Variants in ABCF2 observed in about 807,000 individuals in gnomAD.
The protein encoded by ABCF2 is ATP-binding cassette sub-family F member 2.
Under a neutral mutation model 76.9 loss-of-function variants are expected in ABCF2, and 37 were observed. That is an observed-to-expected ratio of 0.48 (90% CI 0.37 to 0.63). The LOEUF is 0.63. Ranked by LOEUF, ABCF2 falls within the 30% of genes least tolerant of loss-of-function variation. The probability of loss-of-function intolerance (pLI) is 0.00; values close to 1 mark genes in which losing one functional copy is unlikely to be tolerated. For synonymous variants in ABCF2, 299 were observed against 283.7 expected, an observed-to-expected ratio of 1.05 and a Z score of -0.54; for missense variants, 524 against 782.1, an observed-to-expected ratio of 0.67 and a Z score of 3.94.
Position 151,223,957 on chromosome 7 carries a change from C to G in ABCF2, c.525G>C (p.Glu175Asp), listed in dbSNP as rs577998423. Residue 175 changes from glutamate (E) to aspartate (D), a missense_variant, in exon 4 of 15, where the codon GAG becomes GAC. Physicochemically the swap from Glu to Asp is conservative, Grantham distance 45. This residue lies in a region of ABCF2 where 330 missense variants were observed against 433.6 expected (regional missense o/e 0.76). Coordinates refer to ENST00000287844, the MANE Select transcript of ABCF2 (RefSeq NM_007189.3). The part of the protein sequence containing the change: ...VDTERAMLEK[E>D]AERLAHEDAE... ...CATCCTCATGAGCCAGCCGCTCTGC[C>G]TCTTTCTCCAGCATGGCCCGCTCTG... is the stretch of plus-strand genomic sequence containing the variant. 1 of 1,613,636 alleles carries G rather than the reference C, an allele frequency of 6.2e-7. No homozygotes were observed. The highest frequency in any genetic ancestry group is 8.5e-7 in the Non-Finnish European group (1 of 1,179,658).
At chr7:151,217,528 C>T (rs1042840366) in intron 11 of ABCF2, among the ~76,000 whole-genome samples, 1 of 152,132 alleles carries the variant, frequency 6.6e-6, no homozygotes, top group African/African-American at 2.4e-5. Context: ...GGGCCAGACG[C>T]GGTGGCTCAC....
Position 151,211,886 on chromosome 7 carries a change from G to A in ABCF2, c.*2168C>T, listed in dbSNP as rs953431758. 18 of 985,406 alleles carry A rather than the reference G, an allele frequency of 1.8e-5. 1 individual carries two copies. Among genetic ancestry groups the A allele is most frequent in the Middle Eastern group, 5.2e-4 (1 of 1,914 alleles). The allele number at this position is 985,406 out of a possible 1,614,324, so 61.0% of individuals were successfully genotyped here. On this transcript the variant is annotated 3_prime_UTR_variant, in exon 15 of 15. Transcript: ENST00000287844. ...TCTCAGCTGCAGTGTCTCACGGGAG[G>A]CTCCTGTCCCTGTTGCCCAGGGCAG...
chr7:151,219,350 C>A (rs993822757), intron 7 of ABCF2, among the ~76,000 whole-genome samples, 191 bp from the exon 8 acceptor site: 1 of 152,186 alleles, frequency 6.6e-6, no homozygotes, highest in Non-Finnish European at 1.5e-5. Flanking sequence ...CAATTCTATG[C>A]CCCTCGCTCA....
chr7:151,221,285 C>T (rs13239059), intron 7 of ABCF2, among the ~76,000 whole-genome samples: 15,766 of 151,624 alleles, frequency 0.1, 889 homozygotes, highest in African/African-American at 0.14. Flanking sequence ...CTGCAACCTC[C>T]GCCTCCAGGG....
Position 151,216,005 on chromosome 7 carries a change from G to C in ABCF2, c.1363C>G (p.Arg455Gly). The C allele has an allele frequency of 6.2e-7, 1 of 1,614,094 alleles. No individual in the cohort carries two copies. The highest frequency in any genetic ancestry group is 8.5e-7 in the Non-Finnish European group (1 of 1,180,008). Reference sequence around the variant, plus strand: ...CCTATCTTGACATGAGAGTGTTTTCGGATCATGCCATCTGTGGGTAGTAGC... The same window carrying C: ...CCTATCTTGACATGAGAGTGTTTTCCGATCATGCCATCTGTGGGTAGTAGC... Reference protein sequence around the residue: ...GELLPTDGMIRKHSHVKIGRY... With the variant: ...GELLPTDGMIGKHSHVKIGRY... Residue 455 changes from arginine to glycine, a missense_variant, in exon 12 of 15, where the codon CGA (arginine) becomes GGA (glycine). This residue lies in a region of ABCF2 where 194 missense variants were observed against 348.6 expected (regional missense o/e 0.56). Transcript: ENST00000287844.
rs758294368 is a variant in ABCF2, at chr7:151,214,953, C to A, written c.1660G>T (p.Ala554Ser). The change falls in exon 14 of 15, where the codon GCC (alanine) becomes TCC (serine). Residue 554 changes from alanine (A) to serine (S), a missense_variant. Transcript: ENST00000287844. This position sits in a 1 kb window ranked among gnomAD's most constrained non-coding sequence, Gnocchi z 4.9. ...AACTCATTGATGGCATCTGCCAGGG[C>A]GTCGATGGTCTCGATATCCAGGTGA... ...TNHLDIETID[A>S]LADAINEFEG... 2 of 1,614,182 alleles carry A rather than the reference C, an allele frequency of 1.2e-6. No individual in the cohort carries two copies. Among genetic ancestry groups the A allele is most frequent in the East Asian group, 4.5e-5 (2 of 44,888 alleles).
chr7:151,220,158 G>A (rs1380361672), intron 7 of ABCF2, among the ~76,000 whole-genome samples: 1 of 151,680 alleles, frequency 6.6e-6, no homozygotes, highest in African/African-American at 2.4e-5. Context: ...TTGGGAGGCC[G>A]AGGCAGGCGG....
intron 9 of ABCF2, 30 bp from the exon 10 acceptor site, chr7:151,218,680 T>G: frequency 1.2e-6 from 2 of 1,613,596 alleles, no homozygotes; most frequent in Non-Finnish European, 8.5e-7. Context: ...TTTATCAAGT[T>G]GGCTCCTTTC....
chr7:151,221,143 G>C (rs1264553616), intron 7 of ABCF2, among the ~76,000 whole-genome samples: 1 of 152,060 alleles, frequency 6.6e-6, no homozygotes, highest in Admixed American at 6.5e-5. Flanking sequence ...CAGGTGGTAG[G>C]ACTCCTTGTC....
Position 151,222,559 on chromosome 7 carries a change from G to A in ABCF2, c.780C>T (p.Asp260=). 1 of 1,613,786 alleles carries A rather than the reference G, an allele frequency of 6.2e-7. No individual in the cohort carries two copies. Among genetic ancestry groups the A allele is most frequent in the Non-Finnish European group, 8.5e-7 (1 of 1,179,832 alleles). The change falls in exon 6 of 15, where the codon GAC becomes GAT. Residue 260 remains aspartate (D), a synonymous_variant. Coordinates refer to ENST00000287844, the MANE Select transcript of ABCF2 (RefSeq NM_007189.3). The part of the protein sequence containing the change: ...LLLDEPTNHL[D]LDACVWLEEE... ...CTTCCAACCACACGCAAGCATCTAG[G>A]TCCAGGTGGTTGGTAGGCTCATCCA...
At chr7:151,221,862 C>A (rs1347502966) in intron 6 of ABCF2, 182 bp from the exon 7 acceptor site, 1 of 540,686 alleles carries the variant, frequency 1.8e-6, no homozygotes, top group South Asian at 2.1e-5. Flanking sequence ...TATTTGGACG[C>A]CTTTCAGTGT....
rs780831438 is a variant in ABCF2 at position 151,218,093 on chromosome 7, C to T, written c.1326G>A (p.Leu442=). The change falls in exon 11 of 15, where the codon CTG becomes CTA. Residue 442 remains leucine, a synonymous_variant. Transcript: ENST00000287844. ...CTTGGCACCATACCTCTCCAGTTAG[C>T]AGCTTCAGAAGAGTTGACTTCCCTG... ...NGAGKSTLLK[L]LTGELLPTDG... The T allele has an allele frequency of 6.2e-7, 1 of 1,613,286 alleles. No homozygotes were observed. The highest frequency in any genetic ancestry group is 8.5e-7 in the Non-Finnish European group (1 of 1,179,250).
chr7:151,219,693 A>T (rs1224953634), intron 7 of ABCF2, among the ~76,000 whole-genome samples: 2 of 152,232 alleles, frequency 1.3e-5, no homozygotes, highest in African/African-American at 4.8e-5. Context: ...TAAACACATA[A>T]CGAAATACTA....
chr7:151,215,788 C>G lies in ABCF2; in HGVS notation c.1402-56G>C, dbSNP rs1218895187. On this transcript the variant is annotated intron_variant, in intron 12 of 14. Transcript: ENST00000287844. The surrounding 1 kb of genome is among the most constrained non-coding windows in gnomAD (Gnocchi z 4.6). ...GACTGGCATCCCGCTTCAAAATAAA[C>G]CCTACTAGGTAACTTCCTATTTCTA... The G allele has an allele frequency of 3.1e-6, 5 of 1,612,760 alleles. No homozygotes were observed. Among genetic ancestry groups the G allele is most frequent in the African/African-American group, 1.3e-5 (1 of 74,848 alleles).
chr7:151,218,701 C>T, intron 9 of ABCF2, 51 bp from the exon 10 acceptor site: 2 of 1,613,436 alleles, frequency 1.2e-6, no homozygotes, highest in Non-Finnish European at 1.7e-6. Flanking sequence ...TTATCCACCT[C>T]ACCTTAGGCC....
At position 151,222,516 on chromosome 7, in the gene ABCF2, C is replaced by T. The variant is rs1360149975; in HGVS notation, c.818+5G>A. 6.2e-7 allele frequency: 1 copy of T among 1,612,894 alleles called. No individual in the cohort carries two copies. Among genetic ancestry groups the T allele is most frequent in the Non-Finnish European group, 8.5e-7 (1 of 1,179,120 alleles). ...CCGCTCACATCCCCCATTCCACCCT[C>T]TTACGTTTTTAGTTCTTCTTCCAAC... On this transcript the variant is annotated splice_donor_5th_base_variant and intron_variant, in intron 6 of 14. Coordinates refer to ENST00000287844, the MANE Select transcript of ABCF2 (RefSeq NM_007189.3).
In ABCF2 at chr7:151,223,723, A is replaced by C; in HGVS notation, c.677T>G (p.Leu226Arg). Residue 226 changes from leucine to arginine, a missense_variant, in exon 5 of 15, where the codon CTA (leucine) becomes CGA (arginine). Transcript: ENST00000287844. ...GFTPAMQRKKLKDFSGGWRMR... is the reference protein window; with the variant it reads ...GFTPAMQRKKRKDFSGGWRMR... Reference sequence around the variant, plus strand: ...CCTCCAGCCCCCACTGAAGTCTTTTAGCTTCTTGCGCTGCATGGCAGGTGT... The same window carrying C: ...CCTCCAGCCCCCACTGAAGTCTTTTCGCTTCTTGCGCTGCATGGCAGGTGT... 1 of 1,611,384 alleles carries C rather than the reference A, an allele frequency of 6.2e-7. No homozygotes were observed. The highest frequency in any genetic ancestry group is 8.5e-7 in the Non-Finnish European group (1 of 1,178,046).
chr7:151,211,795 C>T lies in ABCF2; in HGVS notation c.*2259G>A. On this transcript the variant is annotated 3_prime_UTR_variant, in exon 15 of 15. Coordinates refer to ENST00000287844, the MANE Select transcript of ABCF2 (RefSeq NM_007189.3). ...ACAGACTAACCTGGGCCATTTTGCT[C>T]CAGGCCCCACTTAAGGCATAAAGCA... 3 of 985,418 alleles carry T rather than the reference C, an allele frequency of 3.0e-6. No homozygotes were observed. The highest frequency in any genetic ancestry group is 3.6e-6 in the Non-Finnish European group (3 of 829,932). 61.0% of individuals were successfully genotyped at this position (985,418 alleles called of 1,614,324 possible).
At chr7:151,219,564 A>C (rs1368699553) in intron 7 of ABCF2, among the ~76,000 whole-genome samples, 1 of 152,210 alleles carries the variant, frequency 6.6e-6, no homozygotes, top group Non-Finnish European at 1.5e-5. Context: ...GGGAAAACAG[A>C]CCATTCAGAT....
Sources: allele counts gnomAD v4.1 joint callset (sites outside exome capture counted in the v4.1 genomes callset), GRCh38; gene constraint gnomAD v4.1.1; regional missense constraint gnomAD v4.1.1; non-coding constraint Gnocchi (gnomAD v3.1); transcripts MANE v1.5; gene names NCBI Gene and HGNC (gene_info 2026-07-23, HGNC 2026-07-21).